EIF2S1: variants seen among roughly 807,000 people sequenced by gnomAD.
EIF2S1 encodes eukaryotic translation initiation factor 2 subunit alpha, also known as eukaryotic translation initiation factor 2 subunit 1.
In EIF2S1, 5 loss-of-function variants were observed where a neutral mutation model predicts 33.5. The ratio of observed to expected loss-of-function variants is 0.15; its 90% confidence interval spans 0.08 to 0.31. EIF2S1 has a LOEUF of 0.31. Ranked by LOEUF, EIF2S1 falls within the 10% of genes least tolerant of loss-of-function variation. The pLI, the probability that EIF2S1 is intolerant of heterozygous loss-of-function variation, is 1.00. For missense variants in EIF2S1, 191 were observed against 384.6 expected (o/e 0.50, Z 4.21); for synonymous variants, 99 against 127.5 (o/e 0.78, Z 1.51).
intron 6 of EIF2S1, among the ~76,000 whole-genome samples, chr14:67,381,917 G>A (rs2085889675): frequency 6.6e-6 from 1 of 152,018 alleles, no homozygotes; most frequent in South Asian, 2.1e-4. Flanking sequence ...GATTCCTATT[G>A]GTAGAAAGCC....
rs965718993 is a variant in EIF2S1 at position 67,361,426 on chromosome 14, C to A, written c.-2+970C>A. Among the ~76,000 whole-genome samples the A allele has an allele frequency of 2.6e-5, 4 of 152,190 alleles. No individual in the cohort carries two copies. The East Asian group carries it at 7.7e-4, about 29-fold the overall frequency. On this transcript the variant is annotated intron_variant, in intron 1 of 7. Transcript: ENST00000256383. ...TTTGTAGAGATTCGGTGATAACTTTCTTTTTCAACTATAATGATGAAATAA... is the reference window on the plus strand; with the variant it reads ...TTTGTAGAGATTCGGTGATAACTTTATTTTTCAACTATAATGATGAAATAA...
Position 67,386,041 on chromosome 14 carries a change from C to T in EIF2S1, c.*2601C>T, listed in dbSNP as rs761117695. 5 of 152,206 alleles carry T rather than the reference C, an allele frequency of 3.3e-5. No homozygotes were observed. Among genetic ancestry groups the T allele is most frequent in the Non-Finnish European group, 7.4e-5 (5 of 68,010 alleles). The allele number at this position is 152,206 out of a possible 1,614,324, so 9.4% of individuals were successfully genotyped here. A position where few individuals can be genotyped will look rare whatever the true frequency, so the allele number is the denominator to read the frequency against. ...AAGGTAATGGTCATCTACTTTGCAA[C>T]CTATGGAGATCCTGATAGCTCCCAT... is the stretch of plus-strand genomic sequence containing the variant. On this transcript the variant is annotated 3_prime_UTR_variant, in exon 8 of 8. Coordinates refer to ENST00000256383, the MANE Select transcript of EIF2S1 (RefSeq NM_004094.5).
At chr14:67,361,952 T>G (rs750069878) in intron 1 of EIF2S1, among the ~76,000 whole-genome samples, 5 of 152,190 alleles carry the variant, frequency 3.3e-5, no homozygotes, top group Non-Finnish European at 7.3e-5. Flanking sequence ...GTATTGTAAT[T>G]ATTTGCTTGC....
At chr14:67,362,032 CTTTTTT>C (rs1233736237) in intron 1 of EIF2S1, among the ~76,000 whole-genome samples, 8 of 91,450 alleles carry the variant, frequency 8.7e-5, no homozygotes, top group African/African-American at 3.8e-4. Context: ...TTTCTTTTTT[CTTTTTT>C]TTTTTGAGAC....
chr14:67,364,538 G>C, intron 1 of EIF2S1: 1 of 426,902 alleles, frequency 2.3e-6, no homozygotes, highest in Non-Finnish European at 4.2e-6. Context: ...TAAAGGCAGA[G>C]AATCACCCAA....
At chr14:67,372,063 G>A (rs961190794) in intron 2 of EIF2S1, among the ~76,000 whole-genome samples, 1 of 151,958 alleles carries the variant, frequency 6.6e-6, no homozygotes. Flanking sequence ...CCAGGAGTTC[G>A]AGACCAGCCT....
rs1014863632 is a variant in EIF2S1 at position 67,385,224 on chromosome 14, A to C, written c.*1784A>C. ...CTAAAAGACAGCAGGGACAAGATACATATGAGGACAAGGTATACACCCAGT... is the reference window on the plus strand; with the variant it reads ...CTAAAAGACAGCAGGGACAAGATACCTATGAGGACAAGGTATACACCCAGT... On this transcript the variant is annotated 3_prime_UTR_variant, in exon 8 of 8. Transcript: ENST00000256383. 4 of 152,338 alleles carry C rather than the reference A, an allele frequency of 2.6e-5. No homozygotes were observed. Among genetic ancestry groups the C allele is most frequent in the Admixed American group, 1.3e-4 (2 of 15,300 alleles). The allele number at this position is 152,338 out of a possible 1,614,324, so 9.4% of individuals were successfully genotyped here. A position where few individuals can be genotyped will look rare whatever the true frequency, so the allele number is the denominator to read the frequency against.
chr14:67,382,407 T>C (rs1209428366), intron 6 of EIF2S1, 40 bp from the exon 7 acceptor site: 2 of 1,572,134 alleles, frequency 1.3e-6, no homozygotes, highest in African/African-American at 1.4e-5. Context: ...GTGGGTTCTG[T>C]AGGTACATTC....
At chr14:67,365,772 A>G (rs1034073924) in intron 2 of EIF2S1, among the ~76,000 whole-genome samples, 3 of 152,174 alleles carry the variant, frequency 2.0e-5, no homozygotes, top group East Asian at 1.9e-4. Flanking sequence ...CCTTGATTCA[A>G]CTTACCCTTC....
chr14:67,382,078 T>A (rs1282417045), intron 6 of EIF2S1, among the ~76,000 whole-genome samples: 1 of 152,116 alleles, frequency 6.6e-6, no homozygotes, highest in Non-Finnish European at 1.5e-5. Context: ...ATTAACTGGA[T>A]GGCTGTAACT....
At chr14:67,375,791 G>A (rs28558916) in intron 3 of EIF2S1, among the ~76,000 whole-genome samples, 1 of 151,974 alleles carries the variant, frequency 6.6e-6, no homozygotes, top group African/African-American at 2.4e-5. Context: ...TAGAAATACA[G>A]ACTCTCAGGT....
intron 1 of EIF2S1, among the ~76,000 whole-genome samples, chr14:67,361,288 T>C (rs2085738141): frequency 6.6e-6 from 1 of 152,338 alleles, no homozygotes; most frequent in Admixed American, 6.5e-5. Flanking sequence ...AATTGAGTTG[T>C]TATTCAAGGA....
At chr14:67,364,104 A>G (rs1192215041) in intron 1 of EIF2S1, 2 of 152,220 alleles carry the variant, frequency 1.3e-5, no homozygotes, top group African/African-American at 4.8e-5. Context: ...TACCTATTCA[A>G]TAAAAGAAAG....
At chr14:67,364,402 T>C (rs1228991420) in intron 1 of EIF2S1, 1 of 182,098 alleles carries the variant, frequency 5.5e-6, no homozygotes, top group East Asian at 1.6e-4. Context: ...TGATTAGTTA[T>C]AATAGTGATG....
chr14:67,362,010 T>C (rs184808788), intron 1 of EIF2S1, among the ~76,000 whole-genome samples: 163 of 148,818 alleles, frequency 1.1e-3, no homozygotes, highest in African/African-American at 4.0e-3. Flanking sequence ...AGAGTCTTTT[T>C]TTTTTTTCTT....
intron 3 of EIF2S1, among the ~76,000 whole-genome samples, chr14:67,375,683 G>C (rs1266193242): frequency 2.0e-5 from 3 of 152,254 alleles, no homozygotes; most frequent in South Asian, 2.1e-4. Flanking sequence ...TTACACATTT[G>C]AAAACACTGT....
chr14:67,374,856 A>C (rs981027699), intron 3 of EIF2S1, among the ~76,000 whole-genome samples: 4 of 152,168 alleles, frequency 2.6e-5, no homozygotes, highest in African/African-American at 9.7e-5. Flanking sequence ...CTTGAGCCTC[A>C]GCCCTCCAAA....
rs185672202 is a variant in EIF2S1, at chr14:67,375,050, T to A, written c.321+503T>A. Among the ~76,000 whole-genome samples the A allele has an allele frequency of 4.8e-4, 73 of 152,330 alleles. 1 individual carries two copies. Among genetic ancestry groups the A allele is most frequent in the Non-Finnish European group, 2.9e-5 (2 of 68,022 alleles). On this transcript the variant is annotated intron_variant, in intron 3 of 7. Coordinates refer to ENST00000256383, the MANE Select transcript of EIF2S1 (RefSeq NM_004094.5). The stretch of plus-strand genomic sequence containing the variant: ...GAGGCCTGTTACTAGTTTTGGTTTT[T>A]TTCCCCCTCCACTAGCGTGTTAGGA...
intron 2 of EIF2S1, among the ~76,000 whole-genome samples, chr14:67,366,048 C>T (rs1385673017): frequency 6.6e-6 from 1 of 150,918 alleles, no homozygotes; most frequent in Admixed American, 6.6e-5. Context: ...CATCACTGTC[C>T]TAGTAGTACC....
Sources: allele counts gnomAD v4.1 joint callset (sites outside exome capture counted in the v4.1 genomes callset), GRCh38; gene constraint gnomAD v4.1.1; transcripts MANE v1.5; gene names NCBI Gene and HGNC (gene_info 2026-07-23, HGNC 2026-07-21).